WSCD2: variants seen among roughly 807,000 people sequenced by gnomAD.
The protein encoded by WSCD2 is sialate:O-sulfotransferase 2.
A neutral mutation model predicts 55.7 loss-of-function variants in WSCD2; 28 were observed. The observed-to-expected ratio is 0.50, with a 90% CI of 0.37 to 0.69. WSCD2 has a LOEUF of 0.69. Ranked by LOEUF, WSCD2 falls within the 30% of genes least tolerant of loss-of-function variation. WSCD2 has a pLI of 0.00. For missense variants in WSCD2, 616 were observed against 762.1 expected (o/e 0.81, Z 2.26); for synonymous variants, 301 against 301.9 (o/e 1.00, Z 0.03).
At position 108,210,080 on chromosome 12, in the gene WSCD2, C is replaced by T; in HGVS notation, c.498-41C>T. ...GTTGTGTCTCCCTGCCTCGGGGTCT[C>T]CATGGTGGCAGCTACCCTGCTTGAC... is the stretch of plus-strand genomic sequence containing the variant. On this transcript the variant is annotated intron_variant, in intron 3 of 8. Coordinates refer to ENST00000547525, the MANE Select transcript of WSCD2 (RefSeq NM_014653.4). This position sits in a 1 kb window ranked among gnomAD's most constrained non-coding sequence, Gnocchi z 4.3. The T allele has an allele frequency of 6.2e-7, 1 of 1,613,474 alleles. No individual in the cohort carries two copies. Among genetic ancestry groups the T allele is most frequent in the Non-Finnish European group, 8.5e-7 (1 of 1,179,714 alleles).
chr12:108,176,508 A>G (rs4964234), intron 1 of WSCD2, among the ~76,000 whole-genome samples: 10,432 of 152,250 alleles, frequency 0.069, 513 homozygotes, highest in Admixed American at 0.1. Flanking sequence ...ATTCCTTTTC[A>G]TGGCTGAGTA....
chr12:108,165,021 T>C (rs927572057), intron 1 of WSCD2, among the ~76,000 whole-genome samples: 1 of 152,332 alleles, frequency 6.6e-6, no homozygotes. Context: ...AGAAAGACTT[T>C]ATTGTAAACC....
chr12:108,217,415 A>G (rs540954916), intron 4 of WSCD2, among the ~76,000 whole-genome samples: 2 of 152,334 alleles, frequency 1.3e-5, no homozygotes, highest in South Asian at 4.1e-4. Flanking sequence ...CAGGTGACCC[A>G]TATTGCAGAT....
chr12:108,209,049 C>A (rs1158442801), intron 3 of WSCD2, among the ~76,000 whole-genome samples: 34 of 152,164 alleles, frequency 2.2e-4, no homozygotes, highest in Admixed American at 2.2e-3. Context: ...CTCAGTTTTC[C>A]TCCATCTCAG....
intron 1 of WSCD2, among the ~76,000 whole-genome samples, chr12:108,137,979 C>T (rs1306776519): frequency 6.6e-6 from 1 of 152,218 alleles, no homozygotes; most frequent in African/African-American, 2.4e-5. Context: ...CAGCCAATGG[C>T]TCCCTCTCAG....
intron 3 of WSCD2, among the ~76,000 whole-genome samples, chr12:108,206,999 T>C (rs1428488241): frequency 3.9e-5 from 6 of 152,224 alleles, no homozygotes; most frequent in African/African-American, 1.4e-4. Context: ...TCCTTGTTTT[T>C]CTCCAAGGGA....
rs1430147543 is a variant in WSCD2 at position 108,164,138 on chromosome 12, CCTTTTTTT to C, written c.-551-31143_-551-31136del. On this transcript the variant is annotated intron_variant, in intron 1 of 8. Transcript: ENST00000547525. ...TTTATACTGTTGTTTAATCTTAAAT[CCTTTTTTT>C]TTTTTTTTTTTTTTTTCAGAGAGGG... 3.1e-4 allele frequency among the ~76,000 whole-genome samples: 22 copies of C among 71,704 alleles called. 5 individuals are homozygous for C. Among genetic ancestry groups the C allele is most frequent in the African/African-American group, 7.4e-4 (15 of 20,372 alleles). The allele number at this position is 71,704 out of a possible 152,430, so 47.0% of individuals were successfully genotyped here.
chr12:108,230,608 G>A (rs374360043), intron 6 of WSCD2, among the ~76,000 whole-genome samples: 1 of 152,192 alleles, frequency 6.6e-6, no homozygotes, highest in African/African-American at 2.4e-5. Context: ...TTAAATCTAG[G>A]ACTTCACACC....
At chr12:108,194,367 G>T (rs1329898055) in intron 1 of WSCD2, among the ~76,000 whole-genome samples, 3 of 152,176 alleles carry the variant, frequency 2.0e-5, no homozygotes, top group Non-Finnish European at 4.4e-5. Flanking sequence ...GCTACCGTCT[G>T]GGGGGCTGTC....
intron 7 of WSCD2, among the ~76,000 whole-genome samples, chr12:108,235,860 G>A (rs1889214350): frequency 6.6e-6 from 1 of 152,150 alleles, no homozygotes; most frequent in Non-Finnish European, 1.5e-5. Context: ...CTCCCTGGGA[G>A]CTTGGAGTTG....
At chr12:108,213,496 T>C (rs901381008) in intron 4 of WSCD2, among the ~76,000 whole-genome samples, 1 of 152,166 alleles carries the variant, frequency 6.6e-6, no homozygotes, top group African/African-American at 2.4e-5. Context: ...GTAGAAACTG[T>C]GGCTCAGAGA....
chr12:108,164,857 G>C (rs572752728), intron 1 of WSCD2, among the ~76,000 whole-genome samples: 40 of 152,298 alleles, frequency 2.6e-4, no homozygotes, highest in African/African-American at 9.6e-4. Flanking sequence ...AGCCTCATCT[G>C]ACCTGATGGG....
Position 108,195,397 on chromosome 12 carries a change from C to G in WSCD2, c.-436C>G, listed in dbSNP as rs1883786625. ...GGGGAAGAGGCCAGAAACAAGGCCCCCAGTGAAATAACCCAGATCCATTGG... is the reference window on the plus strand; with the variant it reads ...GGGGAAGAGGCCAGAAACAAGGCCCGCAGTGAAATAACCCAGATCCATTGG... On this transcript the variant is annotated 5_prime_UTR_variant, in exon 2 of 9. Transcript: ENST00000547525. 6.4e-6 allele frequency: 1 copy of G among 155,670 alleles called. No homozygotes were observed. The allele number at this position is 155,670 out of a possible 1,614,324, so 9.6% of individuals were successfully genotyped here.
In WSCD2 at chr12:108,178,848, A is replaced by C. The variant is rs140043808; in HGVS notation, c.-551-16434A>C. ...CAACGTATTAATTTGGGGAGACATA[A>C]TTCAACCCACAACCGCCTACGTAGA... On this transcript the variant is annotated intron_variant, in intron 1 of 8. Coordinates refer to ENST00000547525, the MANE Select transcript of WSCD2 (RefSeq NM_014653.4). 3.7e-3 allele frequency among the ~76,000 whole-genome samples: 567 copies of C among 152,314 alleles called. 3 individuals are homozygous for C. Among genetic ancestry groups the C allele is most frequent in the African/African-American group, 0.013 (526 of 41,568 alleles).
intron 4 of WSCD2, among the ~76,000 whole-genome samples, chr12:108,217,438 G>A (rs1287994814): frequency 6.6e-6 from 1 of 152,206 alleles, no homozygotes; most frequent in African/African-American, 2.4e-5. Context: ...AGGAAATGAG[G>A]GAAGTGGGGA....
intron 1 of WSCD2, among the ~76,000 whole-genome samples, chr12:108,132,963 G>T (rs1375533997): frequency 6.6e-6 from 1 of 152,106 alleles, no homozygotes; most frequent in African/African-American, 2.4e-5. Flanking sequence ...TGTTTGTTCT[G>T]GTGTAATCTC....
At chr12:108,224,948 C>G in intron 5 of WSCD2, 88 bp downstream of exon 5, 1 of 1,538,066 alleles carries the variant, frequency 6.5e-7, no homozygotes, top group Non-Finnish European at 8.7e-7. Context: ...GGAGAAGCAA[C>G]AGCTCAGTCG....
chr12:108,131,048 G>A (rs1389948646), intron 1 of WSCD2, among the ~76,000 whole-genome samples: 3 of 152,138 alleles, frequency 2.0e-5, no homozygotes, highest in Non-Finnish European at 4.4e-5. Flanking sequence ...TTGCTGTGTT[G>A]TTTTTAAGAC....
intron 4 of WSCD2, among the ~76,000 whole-genome samples, chr12:108,211,820 ATTT>A (rs59190207): frequency 1.5e-5 from 2 of 134,598 alleles, no homozygotes; most frequent in African/African-American, 2.8e-5. Flanking sequence ...TGCCTGGCTA[ATTT>A]TTTTTTTTTT....
Sources: gnomAD v4.1 joint callset for allele counts (sites outside exome capture counted in the v4.1 genomes callset) on GRCh38, gnomAD v4.1.1 for gene constraint, Gnocchi (gnomAD v3.1) non-coding constraint, MANE v1.5 for transcripts, NCBI Gene and HGNC (gene_info 2026-07-23, HGNC 2026-07-21) for gene names.